Variants in RPH3A observed in about 807,000 individuals in gnomAD.
The protein encoded by RPH3A is rabphilin 3A.
In RPH3A, 48 loss-of-function variants were observed where a neutral mutation model predicts 102.2. That is an observed-to-expected ratio of 0.47 (90% CI 0.37 to 0.60). The LOEUF is 0.60. Ranked by LOEUF, RPH3A falls within the 20% of genes least tolerant of loss-of-function variation. The pLI is 0.00. For missense variants in RPH3A, 781 were observed against 910.1 expected (o/e 0.86, Z 1.83); for synonymous variants, 310 against 324.3 (o/e 0.96, Z 0.47).
chr12:112,608,591 G>C (rs1408067676), intron 1 of RPH3A, among the ~76,000 whole-genome samples: 1 of 152,170 alleles, frequency 6.6e-6, no homozygotes, highest in African/African-American at 2.4e-5. Context: ...AGATATTTGG[G>C]GAAACTGGCT....
chr12:112,799,963 C>G (rs113296254), intron 2 of RPH3A, among the ~76,000 whole-genome samples: 1 of 152,144 alleles, frequency 6.6e-6, no homozygotes, highest in Non-Finnish European at 1.5e-5. Context: ...GCTCTAGACT[C>G]ATTCCCCCAT....
chr12:112,756,106 T>C (rs1162734785), intron 1 of RPH3A, among the ~76,000 whole-genome samples: 1 of 152,178 alleles, frequency 6.6e-6, no homozygotes, highest in Non-Finnish European at 1.5e-5. Flanking sequence ...ATTTTGAATG[T>C]TCCCAACACA....
intron 1 of RPH3A, among the ~76,000 whole-genome samples, chr12:112,674,611 GAGGTAGCCTCCC>G (rs1390946374): frequency 2.0e-5 from 3 of 152,076 alleles, no homozygotes; most frequent in Non-Finnish European, 4.4e-5. Flanking sequence ...GGATTGTTTT[GAGGTAGCCTCCC>G]AGGCTACCTC....
chr12:112,636,311 C>T (rs2039848322), intron 1 of RPH3A, among the ~76,000 whole-genome samples: 3 of 152,144 alleles, frequency 2.0e-5, no homozygotes, highest in Admixed American at 6.5e-5. Flanking sequence ...ATTTTATTGG[C>T]CAGAATTCAG....
chr12:112,631,921 A>G (rs1227384987), intron 1 of RPH3A, among the ~76,000 whole-genome samples: 3 of 152,208 alleles, frequency 2.0e-5, no homozygotes, highest in Non-Finnish European at 2.9e-5. Flanking sequence ...CTGTTGCTTG[A>G]ATAATATGCA....
At chr12:112,828,453 A>G in intron 3 of RPH3A, 64 bp downstream of exon 3, 6 of 1,227,436 alleles carry the variant, frequency 4.9e-6, no homozygotes, top group Non-Finnish European at 5.8e-6. Flanking sequence ...ACAATTCTAC[A>G]CTTGAAAAAA....
Position 112,876,704 on chromosome 12 carries a change from G to T in RPH3A, c.1009G>T (p.Gly337Trp). ...PPREERTGGVGGYPAVGARED... is the reference protein window; with the variant it reads ...PPREERTGGVWGYPAVGARED... ...CCGAGAGGAGAGAACAGGGGGAGTC[G>T]GGGGCTACCCAGCAGTTGGAGCCAG... Residue 337 changes from glycine to tryptophan, a missense_variant, in exon 13 of 22, where the codon GGG (glycine) becomes TGG (tryptophan). Around this residue, in one of 2 missense-constraint regions of RPH3A, gnomAD observed 730 missense variants for 810.0 expected, o/e 0.90. Coordinates refer to ENST00000389385, the MANE Select transcript of RPH3A (RefSeq NM_001143854.2). The T allele has an allele frequency of 6.2e-7, 1 of 1,613,134 alleles. No individual in the cohort carries two copies. The highest frequency in any genetic ancestry group is 1.1e-5 in the South Asian group (1 of 90,872).
intron 5 of RPH3A, among the ~76,000 whole-genome samples, chr12:112,862,422 C>T (rs967388703): frequency 5.3e-5 from 8 of 152,134 alleles, no homozygotes; most frequent in Admixed American, 5.2e-4. Flanking sequence ...AATAGTAACA[C>T]TACATAAATA....
chr12:112,635,687 A>C (rs904613994), intron 1 of RPH3A, among the ~76,000 whole-genome samples: 11 of 152,160 alleles, frequency 7.2e-5, no homozygotes, highest in Admixed American at 4.6e-4. Context: ...GGGTACTGTC[A>C]TCTTTGGCGA....
At chr12:112,600,395 C>G (rs1359081157) in intron 1 of RPH3A, among the ~76,000 whole-genome samples, 2 of 152,166 alleles carry the variant, frequency 1.3e-5, no homozygotes, top group Non-Finnish European at 2.9e-5. Flanking sequence ...GCCCTAAGTC[C>G]TTTTTCTGTC....
intron 1 of RPH3A, among the ~76,000 whole-genome samples, chr12:112,600,605 T>C (rs544833129): frequency 3.9e-5 from 6 of 152,366 alleles, no homozygotes; most frequent in African/African-American, 1.4e-4. Flanking sequence ...TCATTGTCCA[T>C]ATCACTATCA....
rs138267182 is a variant in RPH3A at position 112,803,486 on chromosome 12, ATATTAT to A, written c.-19+11244_-19+11249del. 1.6e-4 allele frequency among the ~76,000 whole-genome samples: 24 copies of A among 150,360 alleles called. 1 individual carries two copies. Among genetic ancestry groups the A allele is most frequent in the East Asian group, 5.8e-4 (3 of 5,140 alleles). On this transcript the variant is annotated intron_variant, in intron 2 of 21. Transcript: ENST00000389385. ...AACCTCATGAAGCCTTGGGAAGGAG[ATATTAT>A]TATTATTATTATTATTATTACAATT...
At chr12:112,771,757 T>C (rs1314778228) in intron 1 of RPH3A, among the ~76,000 whole-genome samples, 2 of 152,228 alleles carry the variant, frequency 1.3e-5, no homozygotes, top group African/African-American at 4.8e-5. Context: ...TAAAATACAC[T>C]CTCCTAGTTT....
At chr12:112,850,028 A>G (rs1281706814) in intron 5 of RPH3A, among the ~76,000 whole-genome samples, 2 of 152,136 alleles carry the variant, frequency 1.3e-5, no homozygotes, top group Non-Finnish European at 2.9e-5. Context: ...TTTACCTTCA[A>G]TGCCCTGCTG....
At chr12:112,592,505 G>A (rs2039486473) in intron 1 of RPH3A, among the ~76,000 whole-genome samples, 1 of 152,150 alleles carries the variant, frequency 6.6e-6, no homozygotes, top group Admixed American at 6.6e-5. Flanking sequence ...TTTTAGTAGA[G>A]ATGGGGTTTC....
At chr12:112,858,997 A>G (rs535929726) in intron 5 of RPH3A, among the ~76,000 whole-genome samples, 1 of 152,360 alleles carries the variant, frequency 6.6e-6, no homozygotes, top group South Asian at 2.1e-4. Context: ...TTAATCAGGC[A>G]TGTAAAGACA....
At chr12:112,895,964 T>A in intron 21 of RPH3A, 91 bp downstream of exon 21, 1 of 857,336 alleles carries the variant, frequency 1.2e-6, no homozygotes, top group Admixed American at 2.0e-5. Flanking sequence ...TTGAGGTCAT[T>A]GCTATTCTTT....
chr12:112,838,476 C>T (rs555022512), intron 4 of RPH3A, among the ~76,000 whole-genome samples: 1 of 152,290 alleles, frequency 6.6e-6, no homozygotes, highest in South Asian at 2.1e-4. Flanking sequence ...GTGTGGCTGC[C>T]CCTCCTTTTC....
intron 2 of RPH3A, among the ~76,000 whole-genome samples, chr12:112,814,408 T>C (rs1488100825): frequency 6.6e-6 from 1 of 151,912 alleles, no homozygotes; most frequent in Non-Finnish European, 1.5e-5. Flanking sequence ...CCCCAACAAG[T>C]GGTTTTGCTG....
Sources: gnomAD v4.1 joint callset for allele counts (sites outside exome capture counted in the v4.1 genomes callset) on GRCh38, gnomAD v4.1.1 for gene constraint, gnomAD v4.1.1 regional missense constraint, MANE v1.5 for transcripts, NCBI Gene and HGNC (gene_info 2026-07-23, HGNC 2026-07-21) for gene names.